Variants in ARHGEF10L observed in about 807,000 individuals in gnomAD.
ARHGEF10L encodes Rho guanine nucleotide exchange factor 10 like.
Under a neutral mutation model 141.2 loss-of-function variants are expected in ARHGEF10L, and 69 were observed. The ratio of observed to expected loss-of-function variants is 0.49; its 90% CI spans 0.40 to 0.60. ARHGEF10L has a LOEUF of 0.60. Ranked by LOEUF, ARHGEF10L falls within the 20% of genes least tolerant of loss-of-function variation. The pLI is 0.00. For synonymous variants in ARHGEF10L, 711 were observed against 718.5 expected (o/e 0.99, Z 0.17); for missense variants, 1,482 against 1,734.3 (o/e 0.85, Z 2.58).
chr1:17,529,925 C>A, the ARHGEF10L span, among the ~76,000 whole-genome samples: 5 of 149,396 alleles, frequency 3.3e-5, no homozygotes, highest in Admixed American at 2.7e-4. Flanking sequence ...CTCCACCTCC[C>A]AGGTTCAAGC....
rs2061468639 is a variant in ARHGEF10L, at chr1:17,644,182, TG to T, written c.2272+3881del. The stretch of plus-strand genomic sequence containing the variant: ...ACCAGGTGGCCCAAGGCAGTGAGCC[TG>T]AGCGCAGGGCTGGGCCCTCCCTTGC... On this transcript the variant is annotated intron_variant, in intron 21 of 28. Coordinates refer to ENST00000361221, the MANE Select transcript of ARHGEF10L (RefSeq NM_018125.4). This position sits in a 1 kb window ranked among gnomAD's most constrained non-coding sequence, Gnocchi z 4.5. Among the ~76,000 whole-genome samples, 1 of 152,274 alleles carries T rather than the reference TG, an allele frequency of 6.6e-6. No individual in the cohort carries two copies. Among genetic ancestry groups the T allele is most frequent in the Admixed American group, 6.5e-5 (1 of 15,292 alleles).
At chr1:17,529,107 G>A in the ARHGEF10L span, among the ~76,000 whole-genome samples, 2 of 151,978 alleles carry the variant, frequency 1.3e-5, no homozygotes, top group African/African-American at 2.4e-5. Flanking sequence ...GGGTTCAAGC[G>A]ATCTCCTGCC....
chr1:17,584,635 C>G (rs187342761), intron 2 of ARHGEF10L, among the ~76,000 whole-genome samples: 1 of 152,048 alleles, frequency 6.6e-6, no homozygotes, highest in African/African-American at 2.4e-5. Flanking sequence ...GTAGAGATGC[C>G]GCAGCATGCA....
rs1207736758 is a variant in ARHGEF10L at position 17,673,003 on chromosome 1, T to C, written c.3009+8408T>C. On this transcript the variant is annotated intron_variant, in intron 26 of 28. Transcript: ENST00000361221. The surrounding 1 kb of genome is among the most constrained non-coding windows in gnomAD (Gnocchi z 4.1). ...ATCTTTCCTGTGTCTAGCACTTGGA[T>C]TCCCCCCAACCAGAAGATTTAGGTG... Among the ~76,000 whole-genome samples the C allele has an allele frequency of 2.6e-5, 4 of 152,104 alleles. 1 individual carries two copies. The highest frequency in any genetic ancestry group is 9.7e-5 in the African/African-American group (4 of 41,418).
At chr1:17,643,480 A>G (rs1377613410) in intron 21 of ARHGEF10L, among the ~76,000 whole-genome samples, 6 of 152,122 alleles carry the variant, frequency 3.9e-5, no homozygotes, top group African/African-American at 1.4e-4. Flanking sequence ...CAGTTTTCCT[A>G]TTTGTGAGTT....
In ARHGEF10L at chr1:17,697,427, G is replaced by T; in HGVS notation, c.*47G>T. 1.3e-6 allele frequency: 2 copies of T among 1,535,998 alleles called. No individual in the cohort carries two copies. The highest frequency in any genetic ancestry group is 1.8e-6 in the Non-Finnish European group (2 of 1,140,174). Reference sequence around the variant, plus strand: ...GGGCACAGCTGCAGGCCTGACCAAGGCCACGCCCGGCTCTCGTGCTCTAGG... The same window carrying T: ...GGGCACAGCTGCAGGCCTGACCAAGTCCACGCCCGGCTCTCGTGCTCTAGG... On this transcript the variant is annotated 3_prime_UTR_variant, in exon 29 of 29. Transcript: ENST00000361221. The surrounding 1 kb of genome is among the most constrained non-coding windows in gnomAD (Gnocchi z 4.8).
At chr1:17,689,753 T>C (rs1392608272) in intron 27 of ARHGEF10L, 1 of 454,782 alleles carries the variant, frequency 2.2e-6, no homozygotes, top group Non-Finnish European at 4.4e-6. Flanking sequence ...TTATTTCAAG[T>C]TAGTGGAACA....
At chr1:17,608,778 GTTTATTTTTATT>G (rs2059390745) in intron 7 of ARHGEF10L, among the ~76,000 whole-genome samples, 1 of 152,064 alleles carries the variant, frequency 6.6e-6, no homozygotes, top group Admixed American at 6.6e-5. Flanking sequence ...CTACTTTTAT[GTTTATTTTTATT>G]AATTATTCTT....
At chr1:17,584,263 A>G (rs2078839354) in intron 2 of ARHGEF10L, among the ~76,000 whole-genome samples, 1 of 152,062 alleles carries the variant, frequency 6.6e-6, no homozygotes, top group South Asian at 2.1e-4. Flanking sequence ...TGGGCTGGTC[A>G]CAAGCTTTTG....
In ARHGEF10L at chr1:17,625,071, G is replaced by T. The variant is rs991543940; in HGVS notation, c.1317+568G>T. On this transcript the variant is annotated intron_variant, in intron 13 of 28. Transcript: ENST00000361221. The surrounding 1 kb of genome is among the most constrained non-coding windows in gnomAD (Gnocchi z 4.5). The stretch of plus-strand genomic sequence containing the variant: ...GCAACTGGGCTAGGTGCCAGGACAC[G>T]CACACATGTGCCGGCAGCACAGGTT... Among the ~76,000 whole-genome samples the T allele has an allele frequency of 1.3e-5, 2 of 152,212 alleles. No individual in the cohort carries two copies. Among genetic ancestry groups the T allele is most frequent in the South Asian group, 4.1e-4 (2 of 4,828 alleles).
At chr1:17,550,488 C>T (rs1469400987) in intron 1 of ARHGEF10L, among the ~76,000 whole-genome samples, 3 of 151,926 alleles carry the variant, frequency 2.0e-5, no homozygotes, top group Non-Finnish European at 1.5e-5. Context: ...ACTGAAAATA[C>T]AAAAATTAGC....
intron 25 of ARHGEF10L, among the ~76,000 whole-genome samples, chr1:17,658,281 G>A (rs1014851629): frequency 2.6e-5 from 4 of 152,146 alleles, no homozygotes; most frequent in African/African-American, 9.7e-5. Context: ...TGAGGTACTG[G>A]GGGCTGGGAC....
rs780378012 is a variant in ARHGEF10L at position 17,589,886 on chromosome 1, G to C, written c.257+1407G>C. 1.6e-3 allele frequency among the ~76,000 whole-genome samples: 236 copies of C among 152,236 alleles called. 1 individual carries two copies. The highest frequency in any genetic ancestry group is 5.6e-4 in the Non-Finnish European group (38 of 68,014). ...GAGCTGGGACACTGACTGGAGGGGA[G>C]CAAGGATGGGGTCGTCAGGGAAGAC... On this transcript the variant is annotated intron_variant, in intron 4 of 28. Coordinates refer to ENST00000361221, the MANE Select transcript of ARHGEF10L (RefSeq NM_018125.4).
chr1:17,582,053 T>C (rs941902902), intron 2 of ARHGEF10L, among the ~76,000 whole-genome samples: 8 of 152,136 alleles, frequency 5.3e-5, no homozygotes, highest in African/African-American at 1.9e-4. Flanking sequence ...TTGCAGGCTA[T>C]TAGGAAGGGC....
rs191808912 is a variant in ARHGEF10L, at chr1:17,652,413, G to A, written c.2395-2223G>A. ...GTGTGACATCAGGAATGCTGCCTCAGCTCATGGTATCTTAAACTAGGGTGG... is the reference window on the plus strand; with the variant it reads ...GTGTGACATCAGGAATGCTGCCTCAACTCATGGTATCTTAAACTAGGGTGG... On this transcript the variant is annotated intron_variant, in intron 22 of 28. Transcript: ENST00000361221. 1.3e-3 allele frequency among the ~76,000 whole-genome samples: 195 copies of A among 152,276 alleles called. 1 individual carries two copies. The highest frequency in any genetic ancestry group is 7.4e-4 in the Non-Finnish European group (50 of 68,008).
At chr1:17,514,125 C>CTTTTTT in the ARHGEF10L span, among the ~76,000 whole-genome samples, 2 of 40,476 alleles carry the variant, frequency 4.9e-5, no homozygotes, top group African/African-American at 2.0e-4. Flanking sequence ...CACCCAGCCT[C>CTTTTTT]TTTTTTTTTT....
chr1:17,672,430 G>A (rs751239300), intron 26 of ARHGEF10L, among the ~76,000 whole-genome samples: 6 of 152,122 alleles, frequency 3.9e-5, no homozygotes, highest in Non-Finnish European at 7.3e-5. Flanking sequence ...TTGGCGTGAG[G>A]GTGAAAAGAT....
chr1:17,656,666 G>A lies in ARHGEF10L; in HGVS notation c.2818G>A (p.Gly940Ser). ...ACACAGCCCCTTCCACCTGCTCGCT[G>A]GCCTGCAGGATGGGACCCTTGCTGC... ...LRHSPFHLLA[G>S]LQDGTLAAYP... The change falls in exon 25 of 29, where the codon GGC becomes AGC. Residue 940 changes from glycine to serine, a missense_variant. Coordinates refer to ENST00000361221, the MANE Select transcript of ARHGEF10L (RefSeq NM_018125.4). The surrounding 1 kb of genome is among the most constrained non-coding windows in gnomAD (Gnocchi z 4.9). 2 of 1,613,604 alleles carry A rather than the reference G, an allele frequency of 1.2e-6. No homozygotes were observed. The highest frequency in any genetic ancestry group is 1.7e-6 in the Non-Finnish European group (2 of 1,180,014).
chr1:17,546,436 A>T (rs2076918052), intron 1 of ARHGEF10L, among the ~76,000 whole-genome samples: 1 of 152,150 alleles, frequency 6.6e-6, no homozygotes. Context: ...GCATCAATTC[A>T]TTTAATTTCC....
Sources: allele counts gnomAD v4.1 joint callset (sites outside exome capture counted in the v4.1 genomes callset), GRCh38; gene constraint gnomAD v4.1.1; non-coding constraint Gnocchi (gnomAD v3.1); transcripts MANE v1.5; gene names NCBI Gene and HGNC (gene_info 2026-07-23, HGNC 2026-07-21).